Variants in PALS1 observed in about 807,000 individuals in gnomAD.
PALS1 encodes the protein protein PALS1.
Under a neutral mutation model 78.9 loss-of-function variants are expected in PALS1, and 31 were observed. That is an observed-to-expected ratio of 0.39 (90% CI 0.30 to 0.53). The LOEUF (loss-of-function observed/expected upper bound fraction) is 0.53, where lower values mean the gene tolerates loss of function less well. Ranked by LOEUF, PALS1 falls within the 20% of genes least tolerant of loss-of-function variation. The pLI is 0.67. For missense variants in PALS1, 704 were observed against 826.5 expected (o/e 0.85, Z 1.82); for synonymous variants, 276 against 270.9 (o/e 1.02, Z -0.18).
intron 1 of PALS1, among the ~76,000 whole-genome samples, chr14:67,257,768 C>G (rs1555517466): frequency 6.6e-6 from 1 of 152,018 alleles, no homozygotes; most frequent in Non-Finnish European, 1.5e-5. Flanking sequence ...ATGCAGAACT[C>G]AGGTAGAGGA....
chr14:67,296,913 C>G (rs1359642414), intron 4 of PALS1, among the ~76,000 whole-genome samples: 2 of 152,200 alleles, frequency 1.3e-5, no homozygotes, highest in East Asian at 3.9e-4. Context: ...TCTCAGCCTC[C>G]CAGAGTACTG....
At chr14:67,328,645 A>G (rs2085396577) in intron 14 of PALS1, among the ~76,000 whole-genome samples, 1 of 152,296 alleles carries the variant, frequency 6.6e-6, no homozygotes. Flanking sequence ...ATCTTGAATT[A>G]ACTTTTGTAT....
intron 3 of PALS1, among the ~76,000 whole-genome samples, chr14:67,288,755 A>G (rs1336013489): frequency 1.3e-5 from 2 of 151,916 alleles, no homozygotes; most frequent in African/African-American, 2.4e-5. Flanking sequence ...TATTCTTCCT[A>G]TCTATTCTTA....
chr14:67,312,740 ATAT>A (rs773174282), intron 9 of PALS1, 30 bp downstream of exon 9: 2 of 1,439,134 alleles, frequency 1.4e-6, no homozygotes, highest in South Asian at 1.6e-5. Context: ...AAAGTACATA[ATAT>A]TAAAAGAACA....
At position 67,302,494 on chromosome 14, in the gene PALS1, C is replaced by A. The variant is rs1422947026; in HGVS notation, c.886C>A (p.His296Asn). 2 of 1,597,112 alleles carry A rather than the reference C, an allele frequency of 1.3e-6. No individual in the cohort carries two copies. Among genetic ancestry groups the A allele is most frequent in the South Asian group, 2.3e-5 (2 of 88,284 alleles). ...GGAAEKSGLL[H>N]EGDEVLEING... ...TGCTGCAGAGAAAAGTGGTCTGTTG[C>A]ATGAAGGAGATGAAGTTCTAGAGAT... The change falls in exon 7 of 15, where the codon CAT becomes AAT. Residue 296 changes from histidine (H) to asparagine (N), a missense_variant. Physicochemically the swap from His to Asn is moderately conservative, Grantham distance 68. Transcript: ENST00000261681.
chr14:67,325,049 T>C (rs774596647), intron 14 of PALS1, among the ~76,000 whole-genome samples: 10 of 151,666 alleles, frequency 6.6e-5, no homozygotes, highest in African/African-American at 2.2e-4. Context: ...GGACTACAGG[T>C]GCCCACCATC....
At chr14:67,262,693 A>G (rs2084257631) in intron 1 of PALS1, among the ~76,000 whole-genome samples, 1 of 152,184 alleles carries the variant, frequency 6.6e-6, no homozygotes, top group Non-Finnish European at 1.5e-5. Flanking sequence ...TCTAACTCAG[A>G]AACCTTTAGT....
In PALS1 at chr14:67,333,028, T is replaced by A; in HGVS notation, c.*72T>A. On this transcript the variant is annotated 3_prime_UTR_variant, in exon 15 of 15. Transcript: ENST00000261681. ...TGCCAATAGGAGGACTGCCCGACAC[T>A]GCAGCAAGATTGAGGATAAGATGGA... is the stretch of plus-strand genomic sequence containing the variant. 7.5e-7 allele frequency: 1 copy of A among 1,328,092 alleles called. No individual in the cohort carries two copies. The highest frequency in any genetic ancestry group is 2.0e-5 in the Admixed American group (1 of 50,870). The allele number at this position is 1,328,092 out of a possible 1,614,324, so 82.3% of individuals were successfully genotyped here.
chr14:67,293,145 C>A (rs1165409851), intron 4 of PALS1, among the ~76,000 whole-genome samples: 1 of 151,936 alleles, frequency 6.6e-6, no homozygotes, highest in East Asian at 1.9e-4. Context: ...GGAAGTTTTC[C>A]TCCTATAAAA....
At chr14:67,292,937 A>T (rs2084797448) in intron 4 of PALS1, among the ~76,000 whole-genome samples, 1 of 152,168 alleles carries the variant, frequency 6.6e-6, no homozygotes, top group Admixed American at 6.5e-5. Flanking sequence ...TGAAGAGTTA[A>T]TTTTTTATAT....
At chr14:67,310,212 T>C (rs1386511438) in intron 8 of PALS1, among the ~76,000 whole-genome samples, 3 of 152,174 alleles carry the variant, frequency 2.0e-5, no homozygotes, top group Non-Finnish European at 4.4e-5. Context: ...CTAAAATTCA[T>C]TTTTAGTGCT....
chr14:67,321,721 C>T (rs999529638), intron 13 of PALS1, among the ~76,000 whole-genome samples: 5 of 152,218 alleles, frequency 3.3e-5, no homozygotes, highest in East Asian at 3.9e-4. Flanking sequence ...GCCAGGGTAA[C>T]GTTTTCCACT....
chr14:67,285,806 A>G (rs576097516), intron 3 of PALS1, among the ~76,000 whole-genome samples: 3 of 152,256 alleles, frequency 2.0e-5, no homozygotes, highest in African/African-American at 4.8e-5. Flanking sequence ...TTCAGAGTCC[A>G]TTCTTTTACG....
chr14:67,323,257 GTGTGTA>G (rs147317496), intron 13 of PALS1, among the ~76,000 whole-genome samples: 11 of 134,594 alleles, frequency 8.2e-5, no homozygotes, highest in Non-Finnish European at 1.5e-4. Context: ...GTGTGTGTGT[GTGTGTA>G]TATATATATA....
chr14:67,301,851 C>G (rs2084936299), intron 5 of PALS1, 121 bp from the exon 6 acceptor site: 1 of 1,108,736 alleles, frequency 9.0e-7, no homozygotes, highest in South Asian at 2.1e-5. Context: ...ATTATTAGCT[C>G]TAATTAATTA....
intron 3 of PALS1, among the ~76,000 whole-genome samples, chr14:67,282,820 G>A (rs1025161800): frequency 1.3e-5 from 2 of 151,948 alleles, no homozygotes; most frequent in African/African-American, 2.4e-5. Flanking sequence ...AGAAATCCTC[G>A]GAAAAGAAAA....
intron 2 of PALS1, among the ~76,000 whole-genome samples, chr14:67,277,088 T>G (rs1471105174): frequency 6.6e-6 from 1 of 152,214 alleles, no homozygotes; most frequent in East Asian, 1.9e-4. Flanking sequence ...CCTACATAAT[T>G]TTTCTGCTTA....
At chr14:67,248,564 C>T (rs1268131462) in intron 1 of PALS1, among the ~76,000 whole-genome samples, 1 of 152,150 alleles carries the variant, frequency 6.6e-6, no homozygotes, top group African/African-American at 2.4e-5. Flanking sequence ...AGTTAATAGT[C>T]TCAAACACCC....
chr14:67,288,495 T>TC (rs2084724281), intron 3 of PALS1, among the ~76,000 whole-genome samples: 1 of 152,322 alleles, frequency 6.6e-6, no homozygotes, highest in Non-Finnish European at 1.5e-5. Context: ...AGTTATAGAC[T>TC]CCATCTTTAC....
Sources: gnomAD v4.1 joint callset for allele counts (sites outside exome capture counted in the v4.1 genomes callset) on GRCh38, gnomAD v4.1.1 for gene constraint, MANE v1.5 for transcripts, NCBI Gene and HGNC (gene_info 2026-07-23, HGNC 2026-07-21) for gene names.